Variants in CCDC60 observed in about 807,000 individuals in gnomAD.
The protein encoded by CCDC60 is coiled-coil domain-containing protein 60.
CCDC60 carries 54 observed loss-of-function variants against 63.5 expected under a neutral mutation model. The ratio of observed to expected loss-of-function variants is 0.85; its 90% confidence interval spans 0.68 to 1.07. The LOEUF (loss-of-function observed/expected upper bound fraction) is 1.07. Ranked by LOEUF, CCDC60 falls within the 50% of genes least tolerant of loss-of-function variation. The probability of loss-of-function intolerance (pLI) is 0.00; values close to 1 mark genes in which losing one functional copy is unlikely to be tolerated. For synonymous variants in CCDC60, 206 were observed against 238.8 expected (o/e 0.86, Z 1.27); for missense variants, 651 against 684.3 (o/e 0.95, Z 0.54).
intron 1 of CCDC60, among the ~76,000 whole-genome samples, chr12:119,373,909 T>C (rs1459391648): frequency 1.3e-5 from 2 of 152,218 alleles, no homozygotes; most frequent in Admixed American, 6.5e-5. Flanking sequence ...GAATTTCAAA[T>C]GAACTTGAGC....
intron 5 of CCDC60, among the ~76,000 whole-genome samples, chr12:119,495,524 C>T (rs1479330452): frequency 1.3e-5 from 2 of 152,184 alleles, no homozygotes; most frequent in Non-Finnish European, 2.9e-5. Context: ...TATCAGCATA[C>T]GAATGTACTG....
intron 1 of CCDC60, among the ~76,000 whole-genome samples, chr12:119,411,356 C>T (rs1408675625): frequency 6.6e-6 from 1 of 152,024 alleles, no homozygotes; most frequent in African/African-American, 2.4e-5. Flanking sequence ...GGTTTTATGG[C>T]TTGCTTTGGG....
chr12:119,516,647 T>C lies in CCDC60; in HGVS notation c.908T>C (p.Val303Ala), dbSNP rs756724328. 1.9e-6 allele frequency: 3 copies of C among 1,613,758 alleles called. No individual in the cohort carries two copies. The highest frequency in any genetic ancestry group is 2.5e-6 in the Non-Finnish European group (3 of 1,179,870). The change falls in exon 8 of 14, where the codon GTT becomes GCT. Residue 303 changes from valine (V) to alanine (A), a missense_variant. Val to Ala is a moderately conservative substitution (Grantham distance 64). Transcript: ENST00000327554. ...YMNLQKLLEM[V>A]REDARRTVTI... The stretch of plus-strand genomic sequence containing the variant: ...GATCTGCAGAAGCTCCTGGAGATGG[T>C]TCGGGAAGATGCCCGGAGGACAGTC...
In CCDC60 at chr12:119,445,432, T is replaced by G. The variant is rs550119196; in HGVS notation, c.170+16670T>G. On this transcript the variant is annotated intron_variant, in intron 2 of 13. Coordinates refer to ENST00000327554, the MANE Select transcript of CCDC60 (RefSeq NM_178499.5). ...CTGAGTGACAGAGCGAGACTCCATC[T>G]CAAAAAAAAAAAAAAAAAAAAAAAG... 1.2e-3 allele frequency among the ~76,000 whole-genome samples: 32 copies of G among 27,350 alleles called. No individual in the cohort carries two copies. In the South Asian group the frequency reaches 0.036, roughly 31 times the overall value. 17.9% of individuals were successfully genotyped at this position (27,350 alleles called of 152,430 possible). A position where few individuals can be genotyped will look rare whatever the true frequency, so the allele number is the denominator to read the frequency against.
At chr12:119,521,449 G>A (rs1477273806) in intron 9 of CCDC60, among the ~76,000 whole-genome samples, 1 of 152,134 alleles carries the variant, frequency 6.6e-6, no homozygotes, top group Admixed American at 6.5e-5. Context: ...GGTGTTGGGT[G>A]CTAACCAACA....
At chr12:119,517,261 T>A (rs1438838034) in intron 8 of CCDC60, among the ~76,000 whole-genome samples, 2 of 152,214 alleles carry the variant, frequency 1.3e-5, no homozygotes, top group African/African-American at 4.8e-5. Context: ...CCCAAAATGC[T>A]GGGATTACAG....
At chr12:119,481,949 T>G (rs1951326136) in intron 4 of CCDC60, among the ~76,000 whole-genome samples, 1 of 121,316 alleles carries the variant, frequency 8.2e-6, no homozygotes, top group African/African-American at 3.7e-5. Flanking sequence ...TTTATATGGA[T>G]GAGCAGTATT....
chr12:119,498,535 C>T (rs1037367682), intron 5 of CCDC60, among the ~76,000 whole-genome samples: 5 of 152,058 alleles, frequency 3.3e-5, no homozygotes, highest in Non-Finnish European at 5.9e-5. Flanking sequence ...CAGAGTTTCA[C>T]CATGTTGGCC....
intron 5 of CCDC60, among the ~76,000 whole-genome samples, chr12:119,490,566 T>TC: frequency 6.7e-6 from 1 of 148,996 alleles, no homozygotes; most frequent in South Asian, 2.1e-4. Flanking sequence ...GCCTTCTTCT[T>TC]CTTTTTTTTT....
intron 1 of CCDC60, among the ~76,000 whole-genome samples, chr12:119,376,740 T>A (rs1955954924): frequency 6.6e-6 from 1 of 152,212 alleles, no homozygotes; most frequent in South Asian, 2.1e-4. Flanking sequence ...TAGGCTCCTA[T>A]ATCCTTTAAA....
intron 1 of CCDC60, among the ~76,000 whole-genome samples, chr12:119,363,661 C>T (rs758724231): frequency 6.6e-6 from 1 of 152,122 alleles, no homozygotes; most frequent in Non-Finnish European, 1.5e-5. Context: ...TCTCTTTGTT[C>T]TATTCTGTGG....
chr12:119,359,461 T>C (rs1423244278), intron 1 of CCDC60, among the ~76,000 whole-genome samples: 1 of 152,128 alleles, frequency 6.6e-6, no homozygotes. Context: ...AGTACTGTCC[T>C]CAAGAATAAA....
chr12:119,497,290 G>A (rs1298785848), intron 5 of CCDC60, among the ~76,000 whole-genome samples: 1 of 152,240 alleles, frequency 6.6e-6, no homozygotes, highest in Non-Finnish European at 1.5e-5. Context: ...TCCTCCACAA[G>A]GTATGCAATG....
intron 9 of CCDC60, 70 bp downstream of exon 9, chr12:119,520,262 A>T: frequency 7.4e-7 from 1 of 1,357,650 alleles, no homozygotes; most frequent in Non-Finnish European, 1.0e-6. Context: ...CACTGCAGGG[A>T]TGCTCCTCCC....
chr12:119,349,218 G>A (rs1482843252), intron 1 of CCDC60, among the ~76,000 whole-genome samples: 1 of 151,950 alleles, frequency 6.6e-6, no homozygotes, highest in Non-Finnish European at 1.5e-5. Flanking sequence ...AAGAGCAGAA[G>A]GAAGGAAAAC....
rs1400491012 is a variant in CCDC60 at position 119,528,654 on chromosome 12, T to C, written c.1269T>C (p.Phe423=). The change falls in exon 12 of 14, where the codon TTT becomes TTC. Residue 423 remains phenylalanine (F), a synonymous_variant. Coordinates refer to ENST00000327554, the MANE Select transcript of CCDC60 (RefSeq NM_178499.5). ...EERGIQKFRA[F]VLVSNFQKDI... ...GAGGTATCCAGAAGTTCCGTGCTTT[T>C]GTCCTTGTCTCAAATTTTCAAAAGG... 11 of 1,614,010 alleles carry C rather than the reference T, an allele frequency of 6.8e-6. No individual in the cohort carries two copies. Among genetic ancestry groups the C allele is most frequent in the Non-Finnish European group, 9.3e-6 (11 of 1,179,986 alleles).
chr12:119,514,534 T>C (rs1192551208), intron 7 of CCDC60, among the ~76,000 whole-genome samples: 2 of 152,020 alleles, frequency 1.3e-5, no homozygotes, highest in African/African-American at 4.8e-5. Flanking sequence ...TTTTAAAAAA[T>C]AGAAAAATGC....
intron 13 of CCDC60, among the ~76,000 whole-genome samples, chr12:119,535,512 T>C (rs1269408477): frequency 1.3e-5 from 2 of 152,230 alleles, no homozygotes; most frequent in Non-Finnish European, 1.5e-5. Context: ...TGTTAGGGTG[T>C]TGATTTTAGA....
intron 13 of CCDC60, among the ~76,000 whole-genome samples, chr12:119,536,262 G>C (rs1555258335): frequency 6.6e-6 from 1 of 151,994 alleles, no homozygotes; most frequent in African/African-American, 2.4e-5. Context: ...CTTTCCATTT[G>C]CTTGGTACAT....
Sources: gnomAD v4.1 joint callset for allele counts (sites outside exome capture counted in the v4.1 genomes callset) on GRCh38, gnomAD v4.1.1 for gene constraint, MANE v1.5 for transcripts, NCBI Gene and HGNC (gene_info 2026-07-23, HGNC 2026-07-21) for gene names.